KLHL7: variants seen among roughly 807,000 people sequenced by gnomAD.
KLHL7 encodes the protein kelch like family member 7, also known as kelch-like protein 7.
A neutral mutation model predicts 67.4 loss-of-function variants in KLHL7; 44 were observed. The ratio of observed to expected loss-of-function variants is 0.65; its 90% CI spans 0.51 to 0.84. The LOEUF (loss-of-function observed/expected upper bound fraction) is 0.84. Ranked by LOEUF, KLHL7 falls within the 40% of genes least tolerant of loss-of-function variation. KLHL7 has a pLI of 0.00. For synonymous variants in KLHL7, 252 were observed against 243.3 expected (o/e 1.04, Z -0.33); for missense variants, 362 against 718.1 (o/e 0.50, Z 5.67).
intron 4 of KLHL7, among the ~76,000 whole-genome samples, chr7:23,137,614 G>A (rs1784025228): frequency 6.6e-6 from 1 of 151,260 alleles, no homozygotes. Context: ...GAGTAGCTGG[G>A]ATTACAGGCA....
chr7:23,154,380 A>T (rs1784634784), intron 7 of KLHL7, among the ~76,000 whole-genome samples: 1 of 152,120 alleles, frequency 6.6e-6, no homozygotes, highest in South Asian at 2.1e-4. Flanking sequence ...ACAAAAAAAG[A>T]CTATTTACAA....
At chr7:23,164,936 G>A (rs560614558) in intron 7 of KLHL7, among the ~76,000 whole-genome samples, 2 of 152,318 alleles carry the variant, frequency 1.3e-5, no homozygotes, top group South Asian at 4.1e-4. Context: ...AAAAAGAGAG[G>A]GTCCAAGATA....
intron 1 of KLHL7, among the ~76,000 whole-genome samples, chr7:23,115,779 G>A (rs1365798715): frequency 3.3e-5 from 5 of 152,032 alleles, no homozygotes; most frequent in Admixed American, 6.6e-5. Context: ...TCCTGACCTC[G>A]TGATCTGCCG....
At chr7:23,119,622 C>A (rs6967526) in intron 1 of KLHL7, among the ~76,000 whole-genome samples, 80,912 of 152,138 alleles carry the variant, frequency 0.53, 24,626 homozygotes, top group African/African-American at 0.85. Context: ...ATCCTACAGA[C>A]TAGTTTCACT....
intron 4 of KLHL7, among the ~76,000 whole-genome samples, chr7:23,137,369 G>T (rs1417655438): frequency 6.6e-6 from 1 of 151,944 alleles, no homozygotes; most frequent in Non-Finnish European, 1.5e-5. Flanking sequence ...GTATTTCAAA[G>T]AATGATACAA....
intron 7 of KLHL7, among the ~76,000 whole-genome samples, chr7:23,157,437 G>A (rs1240073540): frequency 6.6e-6 from 1 of 152,180 alleles, no homozygotes; most frequent in Non-Finnish European, 1.5e-5. Context: ...GGCAGCCAGG[G>A]GTAAACAGTG....
At chr7:23,151,926 C>T in intron 6 of KLHL7, 141 bp from the exon 7 acceptor site, 1 of 765,192 alleles carries the variant, frequency 1.3e-6, no homozygotes, top group Non-Finnish European at 2.2e-6. Context: ...TGCCTCTTCC[C>T]CCTCACTTTC....
chr7:23,106,567 C>G, intron 1 of KLHL7: 2 of 1,050,624 alleles, frequency 1.9e-6, no homozygotes, highest in Non-Finnish European at 1.2e-6. Context: ...AGTTGCTGGC[C>G]TGACATCAGC....
At chr7:23,173,828 A>G (rs189619123) in intron 10 of KLHL7, among the ~76,000 whole-genome samples, 187 bp from the exon 11 acceptor site, 7 of 152,340 alleles carry the variant, frequency 4.6e-5, no homozygotes, top group Admixed American at 3.3e-4. Context: ...TTAAATGTCT[A>G]TTGTGTTAAG....
chr7:23,153,654 T>C (rs965271535), intron 7 of KLHL7, among the ~76,000 whole-genome samples: 3 of 152,162 alleles, frequency 2.0e-5, no homozygotes, highest in Non-Finnish European at 4.4e-5. Flanking sequence ...CTGGCCTTGC[T>C]CCAGAATTTG....
At chr7:23,108,549 C>T (rs1266126638) in intron 1 of KLHL7, among the ~76,000 whole-genome samples, 2 of 152,174 alleles carry the variant, frequency 1.3e-5, no homozygotes, top group South Asian at 2.1e-4. Flanking sequence ...CCCTTATGCC[C>T]TTCTCAGTCA....
At chr7:23,140,324 G>A (rs1051886564) in intron 4 of KLHL7, among the ~76,000 whole-genome samples, 1 of 152,230 alleles carries the variant, frequency 6.6e-6, no homozygotes, top group African/African-American at 2.4e-5. Context: ...GGAGGCCAGG[G>A]TGGGCGGATC....
At chr7:23,149,295 G>A (rs945955891) in intron 6 of KLHL7, among the ~76,000 whole-genome samples, 2 of 152,066 alleles carry the variant, frequency 1.3e-5, no homozygotes, top group African/African-American at 4.8e-5. Context: ...CCCTATTCTT[G>A]GGGAGGAAAA....
At chr7:23,130,688 A>G (rs1179326785) in intron 4 of KLHL7, among the ~76,000 whole-genome samples, 1 of 152,170 alleles carries the variant, frequency 6.6e-6, no homozygotes, top group African/African-American at 2.4e-5. Context: ...TCTGTTACTC[A>G]GGTTTAGAAA....
At chr7:23,150,010 T>G (rs1583703433) in intron 6 of KLHL7, among the ~76,000 whole-genome samples, 1 of 152,292 alleles carries the variant, frequency 6.6e-6, no homozygotes, top group East Asian at 1.9e-4. Context: ...CAGGAATTTT[T>G]GGGCCAGGCA....
At chr7:23,113,269 T>C (rs928803740) in intron 1 of KLHL7, among the ~76,000 whole-genome samples, 10 of 152,234 alleles carry the variant, frequency 6.6e-5, no homozygotes, top group African/African-American at 2.4e-4. Flanking sequence ...TCTTTTGACA[T>C]TGTTATGAAC....
intron 1 of KLHL7, among the ~76,000 whole-genome samples, chr7:23,112,883 G>A (rs1156761059): frequency 1.3e-5 from 2 of 152,254 alleles, no homozygotes; most frequent in Non-Finnish European, 2.9e-5. Flanking sequence ...TTGTTTAAAT[G>A]GGAAAGATAT....
intron 4 of KLHL7, among the ~76,000 whole-genome samples, chr7:23,128,136 A>AT (rs955102066): frequency 2.0e-5 from 1 of 48,976 alleles, no homozygotes; most frequent in Non-Finnish European, 3.9e-5. Flanking sequence ...CTGTCTCAAG[A>AT]AAAAAAAAAA....
chr7:23,161,597 C>T (rs1255062809), intron 7 of KLHL7, among the ~76,000 whole-genome samples: 2 of 152,180 alleles, frequency 1.3e-5, no homozygotes, highest in African/African-American at 4.8e-5. Context: ...TGGCCCTCAA[C>T]CCCAGGAACT....
Sources: gnomAD v4.1 joint callset for allele counts (sites outside exome capture counted in the v4.1 genomes callset) on GRCh38, gnomAD v4.1.1 for gene constraint, MANE v1.5 for transcripts, NCBI Gene and HGNC (gene_info 2026-07-23, HGNC 2026-07-21) for gene names.